The following ESRRG variants were observed in gnomAD, a reference collection of about 807,000 sequenced individuals.
ESRRG encodes estrogen-related receptor gamma.
In ESRRG, 13 loss-of-function variants were observed where a neutral mutation model predicts 44.0. That is an observed-to-expected ratio of 0.30 (90% CI 0.19 to 0.47). ESRRG has a LOEUF of 0.47. Ranked by LOEUF, ESRRG falls within the 20% of genes least tolerant of loss-of-function variation. ESRRG has a pLI of 1.00. For missense variants in ESRRG, 395 were observed against 580.6 expected, an observed-to-expected ratio of 0.68 and a Z score of 3.29; for synonymous variants, 215 against 214.6, an observed-to-expected ratio of 1.00 and a Z score of -0.02.
intron 1 of ESRRG, among the ~76,000 whole-genome samples, chr1:216,996,788 C>A (rs1057018243): frequency 6.6e-6 from 1 of 152,112 alleles, no homozygotes; most frequent in African/African-American, 2.4e-5. Context: ...ATTCACTAAA[C>A]ACTCTCAGTG....
At chr1:216,872,791 C>G (rs866288316) in intron 2 of ESRRG, among the ~76,000 whole-genome samples, 10 of 152,244 alleles carry the variant, frequency 6.6e-5, no homozygotes, top group African/African-American at 2.4e-4. Context: ...ACATCTGTAT[C>G]TTCAAAACAT....
chr1:216,768,742 T>A (rs1268052844), intron 2 of ESRRG, among the ~76,000 whole-genome samples: 2 of 152,068 alleles, frequency 1.3e-5, no homozygotes. Context: ...CCTCCCTTCT[T>A]GGCATCCCAA....
chr1:216,691,513 G>A (rs2079047481), intron 1 of ESRRG, among the ~76,000 whole-genome samples: 1 of 152,118 alleles, frequency 6.6e-6, no homozygotes, highest in Non-Finnish European at 1.5e-5. Context: ...ATAAATCATA[G>A]AGCACATTTC....
intron 1 of ESRRG, among the ~76,000 whole-genome samples, chr1:217,021,765 T>C (rs970444363): frequency 6.6e-6 from 1 of 152,222 alleles, no homozygotes; most frequent in Non-Finnish European, 1.5e-5. Context: ...GATTGAACCA[T>C]TGTCTCTTGC....
At chr1:216,964,498 C>T (rs935355696) in intron 1 of ESRRG, among the ~76,000 whole-genome samples, 2 of 152,084 alleles carry the variant, frequency 1.3e-5, no homozygotes, top group Non-Finnish European at 2.9e-5. Flanking sequence ...CTGATGATGG[C>T]TCTGGGGAGT....
intron 5 of ESRRG, among the ~76,000 whole-genome samples, chr1:216,532,350 G>T (rs111640884): frequency 1.3e-5 from 2 of 152,132 alleles, no homozygotes; most frequent in African/African-American, 4.8e-5. Flanking sequence ...GGATCAAGCC[G>T]CTGCTTGGTA....
chr1:217,013,157 C>T (rs1473966924), intron 1 of ESRRG, among the ~76,000 whole-genome samples: 1 of 152,226 alleles, frequency 6.6e-6, no homozygotes, highest in African/African-American at 2.4e-5. Flanking sequence ...AACGGGATCA[C>T]ATTCCTCTGT....
intron 5 of ESRRG, among the ~76,000 whole-genome samples, chr1:216,547,210 C>A (rs1384483625): frequency 6.6e-6 from 1 of 151,728 alleles, no homozygotes; most frequent in Non-Finnish European, 1.5e-5. Flanking sequence ...GGCCTGGCAC[C>A]TAGCAAGAGC....
At chr1:216,531,692 C>A (rs1411553173) in intron 5 of ESRRG, among the ~76,000 whole-genome samples, 1 of 152,086 alleles carries the variant, frequency 6.6e-6, no homozygotes, top group Non-Finnish European at 1.5e-5. Context: ...ATATGATACA[C>A]AAACCAAACC....
intron 5 of ESRRG, among the ~76,000 whole-genome samples, chr1:216,544,281 C>A (rs1396713489): frequency 6.6e-6 from 1 of 151,964 alleles, no homozygotes; most frequent in African/African-American, 2.4e-5. Context: ...TATAAAACTC[C>A]AAAACATGTT....
chr1:216,612,113 T>A (rs965492548), intron 3 of ESRRG, among the ~76,000 whole-genome samples: 1 of 152,126 alleles, frequency 6.6e-6, no homozygotes, highest in African/African-American at 2.4e-5. Context: ...CTAGTGGAGA[T>A]TATTTCAGTA....
intron 1 of ESRRG, among the ~76,000 whole-genome samples, chr1:217,130,537 G>A (rs529233853): frequency 1.3e-5 from 2 of 152,198 alleles, no homozygotes; most frequent in Admixed American, 1.3e-4. Flanking sequence ...CACTGGTCCC[G>A]AAATGTCACC....
At chr1:216,532,957 C>T (rs573306233) in intron 5 of ESRRG, among the ~76,000 whole-genome samples, 1 of 152,172 alleles carries the variant, frequency 6.6e-6, no homozygotes, top group African/African-American at 2.4e-5. Context: ...TTCCTGGAAG[C>T]ATATCTATTT....
At chr1:216,586,633 G>C (rs558797076) in intron 3 of ESRRG, among the ~76,000 whole-genome samples, 3 of 145,594 alleles carry the variant, frequency 2.1e-5, no homozygotes, top group Admixed American at 7.1e-5. Context: ...CCCAGGTGCA[G>C]TGGCACCATC....
intron 1 of ESRRG, among the ~76,000 whole-genome samples, chr1:217,124,562 T>C (rs916707822): frequency 3.3e-5 from 5 of 152,214 alleles, no homozygotes; most frequent in Non-Finnish European, 5.9e-5. Flanking sequence ...GTTTTCTGGG[T>C]AATTTGATAA....
At chr1:216,689,141 T>C (rs1559236974) in intron 1 of ESRRG, among the ~76,000 whole-genome samples, 1 of 152,160 alleles carries the variant, frequency 6.6e-6, no homozygotes, top group Non-Finnish European at 1.5e-5. Flanking sequence ...GATTAAACTA[T>C]GCTCAGTAAA....
chr1:216,610,728 TTTTA>T (rs201427672), intron 3 of ESRRG, among the ~76,000 whole-genome samples: 1,548 of 152,256 alleles, frequency 0.01, 27 homozygotes, highest in African/African-American at 0.035. Flanking sequence ...CATGTGTGTA[TTTTA>T]TTTATTGATA....
At chr1:216,925,131 C>T (rs1434308645) in intron 2 of ESRRG, among the ~76,000 whole-genome samples, 1 of 152,162 alleles carries the variant, frequency 6.6e-6, no homozygotes, top group African/African-American at 2.4e-5. Flanking sequence ...CAACAGGCTG[C>T]ATGACTGTTG....
At position 216,722,101 on chromosome 1, in the gene ESRRG, T is replaced by C. The variant is rs371237841; in HGVS notation, c.56+1143A>G. Among the ~76,000 whole-genome samples, 74 of 152,320 alleles carry C rather than the reference T, an allele frequency of 4.9e-4. 1 individual carries two copies. Among genetic ancestry groups the C allele is most frequent in the African/African-American group, 1.6e-3 (67 of 41,582 alleles). ...CTTACTTAATTACAAAGCAATGCAATATGCAGTCACTAAGGACAGCTAGTG... is the reference window on the plus strand; with the variant it reads ...CTTACTTAATTACAAAGCAATGCAACATGCAGTCACTAAGGACAGCTAGTG... On this transcript the variant is annotated intron_variant, in intron 1 of 6. Transcript: ENST00000408911.
Sources: allele counts gnomAD v4.1 joint callset (sites outside exome capture counted in the v4.1 genomes callset), GRCh38; gene constraint gnomAD v4.1.1; transcripts MANE v1.5; gene names NCBI Gene and HGNC (gene_info 2026-07-23, HGNC 2026-07-21).